OPCML: variants seen among roughly 807,000 people sequenced by gnomAD.
OPCML encodes opioid binding protein/cell adhesion molecule like, also known as opioid-binding protein/cell adhesion molecule.
OPCML carries 13 observed loss-of-function variants against 37.8 expected under a neutral mutation model. The observed-to-expected ratio is 0.34, with a 90% CI of 0.22 to 0.55. The LOEUF is 0.55. OPCML is among the 20% of genes least tolerant of loss of function. OPCML has a pLI of 0.91. For synonymous variants in OPCML, 176 were observed against 168.8 expected (o/e 1.04, Z -0.33); for missense variants, 341 against 435.6 (o/e 0.78, Z 1.93).
At chr11:132,730,999 C>T (rs989889630) in intron 2 of OPCML, among the ~76,000 whole-genome samples, 3 of 152,148 alleles carry the variant, frequency 2.0e-5, no homozygotes, top group Non-Finnish European at 2.9e-5. Context: ...GTTTGTTGTT[C>T]TGTCTGCTTC....
intron 2 of OPCML, among the ~76,000 whole-genome samples, chr11:132,776,385 A>C (rs1368894019): frequency 6.6e-6 from 1 of 151,978 alleles, no homozygotes; most frequent in Non-Finnish European, 1.5e-5. Context: ...TATGGTTTGG[A>C]TGTTTGTCCT....
intron 2 of OPCML, among the ~76,000 whole-genome samples, chr11:132,909,813 C>A (rs1275831645): frequency 6.6e-6 from 1 of 152,218 alleles, no homozygotes; most frequent in Non-Finnish European, 1.5e-5. Flanking sequence ...AATATTGCTT[C>A]TGCCTCACTT....
chr11:132,663,031 T>C (rs1208180707), intron 2 of OPCML, among the ~76,000 whole-genome samples: 6 of 152,228 alleles, frequency 3.9e-5, no homozygotes, highest in Non-Finnish European at 5.9e-5. Flanking sequence ...TACCTTTGTG[T>C]TTTAATTAGT....
At chr11:133,278,455 G>A (rs1019755079) in intron 1 of OPCML, among the ~76,000 whole-genome samples, 4 of 152,048 alleles carry the variant, frequency 2.6e-5, no homozygotes, top group African/African-American at 9.7e-5. Context: ...AATACGTGGG[G>A]CCAGTGGCAT....
chr11:133,508,633 C>T (rs932168815), intron 1 of OPCML, among the ~76,000 whole-genome samples: 1 of 152,152 alleles, frequency 6.6e-6, no homozygotes, highest in Non-Finnish European at 1.5e-5. Flanking sequence ...GGAACTGGCC[C>T]GAGCCTCCCA....
At chr11:132,646,246 C>T (rs1941144167) in intron 3 of OPCML, among the ~76,000 whole-genome samples, 1 of 152,116 alleles carries the variant, frequency 6.6e-6, no homozygotes, top group Admixed American at 6.6e-5. Flanking sequence ...CTCATGTAAC[C>T]AAATACCACC....
intron 1 of OPCML, among the ~76,000 whole-genome samples, chr11:133,051,832 C>G (rs1159670003): frequency 6.6e-6 from 1 of 152,208 alleles, no homozygotes; most frequent in Non-Finnish European, 1.5e-5. Flanking sequence ...ACCGCCCAAG[C>G]CTGCATTTTC....
At chr11:132,843,182 T>A (rs1225722043) in intron 2 of OPCML, among the ~76,000 whole-genome samples, 3 of 150,492 alleles carry the variant, frequency 2.0e-5, no homozygotes, top group Admixed American at 6.7e-5. Flanking sequence ...GCAACCTCTG[T>A]CTCCCGGGTT....
At chr11:132,792,900 A>G (rs1210044249) in intron 2 of OPCML, among the ~76,000 whole-genome samples, 1 of 152,156 alleles carries the variant, frequency 6.6e-6, no homozygotes, top group Non-Finnish European at 1.5e-5. Flanking sequence ...TCCCTACCTG[A>G]TAATGTGTTT....
At chr11:132,494,392 A>C (rs1160558904) in intron 4 of OPCML, among the ~76,000 whole-genome samples, 2 of 152,152 alleles carry the variant, frequency 1.3e-5, no homozygotes, top group Non-Finnish European at 2.9e-5. Context: ...TTTCTTTGCA[A>C]AGAGTGAGTT....
intron 1 of OPCML, among the ~76,000 whole-genome samples, chr11:133,254,090 G>A (rs1050782644): frequency 6.6e-6 from 1 of 152,126 alleles, no homozygotes; most frequent in Admixed American, 6.6e-5. Context: ...AAATGCAAAT[G>A]TTAGAATCAG....
At chr11:132,541,063 G>A (rs74995804) in intron 3 of OPCML, among the ~76,000 whole-genome samples, 298 of 152,232 alleles carry the variant, frequency 2.0e-3, no homozygotes, top group African/African-American at 6.4e-3. Flanking sequence ...TAGACGTTAG[G>A]GATGCCCCTC....
chr11:133,091,015 G>C (rs1162468924), intron 1 of OPCML, among the ~76,000 whole-genome samples: 2 of 152,176 alleles, frequency 1.3e-5, no homozygotes, highest in African/African-American at 4.8e-5. Context: ...AGTTTCAAAG[G>C]AGAAGCCCAG....
intron 1 of OPCML, among the ~76,000 whole-genome samples, chr11:133,012,692 A>C (rs1565397204): frequency 6.6e-6 from 1 of 152,124 alleles, no homozygotes; most frequent in African/African-American, 2.4e-5. Flanking sequence ...CCTGACCAAC[A>C]TGGAGAAACC....
intron 1 of OPCML, among the ~76,000 whole-genome samples, chr11:133,417,784 A>T (rs1945800678): frequency 6.6e-6 from 1 of 152,104 alleles, no homozygotes; most frequent in South Asian, 2.1e-4. Context: ...ATATTTACTA[A>T]ATTCTATGCC....
At chr11:133,474,736 C>T (rs1281435788) in intron 1 of OPCML, among the ~76,000 whole-genome samples, 1 of 152,202 alleles carries the variant, frequency 6.6e-6, no homozygotes, top group Non-Finnish European at 1.5e-5. Context: ...TGGCCTGAAC[C>T]TACTTCTTTC....
In OPCML at chr11:132,675,640, C is replaced by T. The variant is rs1942670439; in HGVS notation, c.147-18321G>A. On this transcript the variant is annotated intron_variant, in intron 2 of 7. Coordinates refer to ENST00000524381, the MANE Select transcript of OPCML (RefSeq NM_001012393.5). ...TATAAAAATTAACTGTGTTTCTATA[C>T]ATTAGCAATGAAAAATCTGAAAATG... Among the ~76,000 whole-genome samples the T allele has an allele frequency of 2.0e-5, 3 of 152,070 alleles. No individual in the cohort carries two copies. The South Asian group carries it at 6.2e-4, about 31-fold the overall frequency.
chr11:132,692,834 G>A (rs765771737), intron 2 of OPCML, among the ~76,000 whole-genome samples: 1 of 152,146 alleles, frequency 6.6e-6, no homozygotes. Flanking sequence ...AATGTCCATT[G>A]GTCCTTGTAT....
chr11:132,977,948 G>A (rs1946500152), intron 1 of OPCML, among the ~76,000 whole-genome samples: 1 of 152,164 alleles, frequency 6.6e-6, no homozygotes, highest in African/African-American at 2.4e-5. Flanking sequence ...AGAATGAAGA[G>A]CAGAAATGGG....
Sources: gnomAD v4.1 joint callset for allele counts (sites outside exome capture counted in the v4.1 genomes callset) on GRCh38, gnomAD v4.1.1 for gene constraint, MANE v1.5 for transcripts, NCBI Gene and HGNC (gene_info 2026-07-23, HGNC 2026-07-21) for gene names.